Variants in CPED1 observed in about 807,000 individuals in gnomAD.
CPED1 encodes cadherin like and PC-esterase domain containing 1.
Under a neutral mutation model 128.2 loss-of-function variants are expected in CPED1, and 114 were observed. The observed-to-expected ratio is 0.89, with a 90% CI of 0.76 to 1.04. CPED1 has a LOEUF of 1.04. Among genes scored for constraint, CPED1 ranks in the 50% least tolerant of loss-of-function variants. CPED1 has a pLI of 0.00. For missense variants in CPED1, 1,211 were observed against 1,207.1 expected, an observed-to-expected ratio of 1.00 and a Z score of -0.05; for synonymous variants, 462 against 426.7, an observed-to-expected ratio of 1.08 and a Z score of -1.02.
At chr7:121,100,157 G>A in intron 7 of CPED1, 63 bp downstream of exon 7, 1 of 1,473,698 alleles carries the variant, frequency 6.8e-7, no homozygotes, top group Non-Finnish European at 9.4e-7. Flanking sequence ...AAGTGAGTTG[G>A]GCTGCCATTT....
At chr7:121,156,501 G>T (rs558315064) in intron 16 of CPED1, among the ~76,000 whole-genome samples, 62 of 152,308 alleles carry the variant, frequency 4.1e-4, no homozygotes, top group African/African-American at 1.4e-3. Context: ...ATATTATTCA[G>T]CCATAAAAAA....
At chr7:121,093,419 C>A (rs1278445984) in intron 5 of CPED1, among the ~76,000 whole-genome samples, 1 of 151,330 alleles carries the variant, frequency 6.6e-6, no homozygotes, top group African/African-American at 2.4e-5. Context: ...CACACACACA[C>A]ACACACACAG....
At chr7:121,013,141 G>C (rs1792205858) in intron 2 of CPED1, among the ~76,000 whole-genome samples, 1 of 152,102 alleles carries the variant, frequency 6.6e-6, no homozygotes, top group African/African-American at 2.4e-5. Context: ...CTAGACACTT[G>C]TTTGTTTACT....
chr7:121,049,450 A>G (rs945192610), intron 4 of CPED1, among the ~76,000 whole-genome samples: 18 of 152,092 alleles, frequency 1.2e-4, no homozygotes, highest in Non-Finnish European at 1.3e-4. Flanking sequence ...CTACCCTCCA[A>G]TCTCTTGCCA....
At chr7:121,166,509 T>C (rs564670521) in intron 16 of CPED1, among the ~76,000 whole-genome samples, 1 of 152,320 alleles carries the variant, frequency 6.6e-6, no homozygotes, top group East Asian at 1.9e-4. Context: ...AAATACACAT[T>C]CTAACATCTC....
intron 4 of CPED1, among the ~76,000 whole-genome samples, chr7:121,063,393 A>AAAAAAAAAAAAAAAAAC (rs1793734510): frequency 6.7e-6 from 1 of 150,338 alleles, no homozygotes. Flanking sequence ...AAAAAAAAAA[A>AAAAAAAAAAAAAAAAAC]AAAAAAAAAG....
intron 18 of CPED1, among the ~76,000 whole-genome samples, chr7:121,252,228 T>C (rs1342206748): frequency 1.3e-5 from 2 of 151,612 alleles, no homozygotes; most frequent in Non-Finnish European, 3.0e-5. Context: ...ATTCCCTATT[T>C]AATAAATGAT....
intron 16 of CPED1, among the ~76,000 whole-genome samples, chr7:121,158,138 G>T (rs1483352028): frequency 6.6e-6 from 1 of 152,154 alleles, no homozygotes; most frequent in African/African-American, 2.4e-5. Context: ...CAGCAAATAG[G>T]AAGTAATTAT....
At chr7:121,005,988 C>T (rs1471658546) in intron 2 of CPED1, among the ~76,000 whole-genome samples, 1 of 152,164 alleles carries the variant, frequency 6.6e-6, no homozygotes, top group Non-Finnish European at 1.5e-5. Flanking sequence ...ACTTGAGATT[C>T]AGGAGGCTTT....
At chr7:121,028,700 G>T (rs1309276259) in intron 3 of CPED1, among the ~76,000 whole-genome samples, 1 of 152,160 alleles carries the variant, frequency 6.6e-6, no homozygotes, top group East Asian at 1.9e-4. Flanking sequence ...ATTGGCCTAG[G>T]TTGCATTGTC....
intron 22 of CPED1, among the ~76,000 whole-genome samples, chr7:121,277,564 C>T (rs546008098): frequency 1.3e-5 from 2 of 152,168 alleles, no homozygotes; most frequent in African/African-American, 4.8e-5. Context: ...TACACGTCAT[C>T]GACAACCCAC....
intron 21 of CPED1, among the ~76,000 whole-genome samples, chr7:121,268,253 TC>T (rs1207376702): frequency 6.6e-6 from 1 of 152,064 alleles, no homozygotes; most frequent in Non-Finnish European, 1.5e-5. Context: ...TCTTGAGGAC[TC>T]CAGTAGCTCC....
intron 7 of CPED1, among the ~76,000 whole-genome samples, chr7:121,114,948 G>C (rs10251139): frequency 0.44 from 67,610 of 152,028 alleles, 16,204 homozygotes; most frequent in East Asian, 0.84. Context: ...TCCTTCAGGC[G>C]TGAATGAATT....
chr7:121,240,151 C>CA (rs1798356640), intron 17 of CPED1, among the ~76,000 whole-genome samples: 1 of 152,134 alleles, frequency 6.6e-6, no homozygotes, highest in Non-Finnish European at 1.5e-5. Flanking sequence ...TTCAGAGACC[C>CA]AATCAGGCTT....
intron 16 of CPED1, among the ~76,000 whole-genome samples, chr7:121,219,147 T>C (rs938526367): frequency 2.6e-5 from 4 of 152,034 alleles, no homozygotes; most frequent in Non-Finnish European, 4.4e-5. Context: ...TGTTCATTTG[T>C]ATTCATATTT....
Position 121,128,500 on chromosome 7 carries a change from G to C in CPED1, c.1407+14G>C, listed in dbSNP as rs765827666. Reference sequence around the variant, plus strand: ...CAATTCCAACTGGTAAAGCAAAAGTGACATTTGATTCTTTCTTGGTGACTG... The same window carrying C: ...CAATTCCAACTGGTAAAGCAAAAGTCACATTTGATTCTTTCTTGGTGACTG... On this transcript the variant is annotated intron_variant, in intron 11 of 22. Coordinates refer to ENST00000310396, the MANE Select transcript of CPED1 (RefSeq NM_024913.5). 13 of 1,347,150 alleles carry C rather than the reference G, an allele frequency of 9.7e-6. No individual in the cohort carries two copies. In the Admixed American group the frequency reaches 2.2e-4, roughly 23 times the overall value. 83.4% of individuals were successfully genotyped at this position (1,347,150 alleles called of 1,614,324 possible).
intron 7 of CPED1, among the ~76,000 whole-genome samples, chr7:121,113,210 T>C (rs1473484050): frequency 6.6e-6 from 1 of 152,186 alleles, no homozygotes; most frequent in African/African-American, 2.4e-5. Flanking sequence ...CTAATTCAAC[T>C]CAGTTGTACT....
At chr7:121,075,081 G>T (rs1393390469) in intron 5 of CPED1, among the ~76,000 whole-genome samples, 1 of 152,118 alleles carries the variant, frequency 6.6e-6, no homozygotes. Flanking sequence ...TCCTTCTTGG[G>T]AGCATTTTCA....
chr7:121,041,316 G>T (rs1331973138), intron 3 of CPED1, among the ~76,000 whole-genome samples: 3 of 152,126 alleles, frequency 2.0e-5, no homozygotes, highest in African/African-American at 7.2e-5. Flanking sequence ...AAACAAAATA[G>T]ATATAGTCTC....
Sources: allele counts gnomAD v4.1 joint callset (sites outside exome capture counted in the v4.1 genomes callset), GRCh38; gene constraint gnomAD v4.1.1; transcripts MANE v1.5; gene names NCBI Gene and HGNC (gene_info 2026-07-23, HGNC 2026-07-21).